The following CDK8 variants were observed in gnomAD, a reference collection of about 807,000 sequenced individuals.
CDK8 encodes the protein cyclin dependent kinase 8, also known as cyclin-dependent kinase 8.
Under a neutral mutation model 71.5 loss-of-function variants are expected in CDK8, and 29 were observed. The observed-to-expected ratio is 0.41, with a 90% CI of 0.30 to 0.55. The LOEUF (loss-of-function observed/expected upper bound fraction) is 0.55, where lower values mean the gene tolerates loss of function less well. Among genes scored for constraint, CDK8 ranks in the 20% least tolerant of loss-of-function variants. The pLI, the probability that CDK8 is intolerant of heterozygous loss-of-function variation, is 0.37. For synonymous variants in CDK8, 161 were observed against 192.1 expected (o/e 0.84, Z 1.34); for missense variants, 288 against 572.6 (o/e 0.50, Z 5.07).
chr13:26,337,062 AAC>A (rs17072235), intron 1 of CDK8, among the ~76,000 whole-genome samples: 50,751 of 151,940 alleles, frequency 0.33, 8,966 homozygotes, highest in East Asian at 0.54. Flanking sequence ...GTGTTCAGTA[AAC>A]ACATGTTGCG....
chr13:26,365,810 C>T (rs956105354), intron 4 of CDK8, among the ~76,000 whole-genome samples: 7 of 151,982 alleles, frequency 4.6e-5, no homozygotes, highest in Non-Finnish European at 8.8e-5. Context: ...TCTCTGCCTG[C>T]GTCTTATATA....
intron 4 of CDK8, among the ~76,000 whole-genome samples, chr13:26,376,084 T>C (rs1874931940): frequency 6.6e-6 from 1 of 152,214 alleles, no homozygotes; most frequent in African/African-American, 2.4e-5. Flanking sequence ...GAAGTAATAC[T>C]TGGGAAGATA....
intron 4 of CDK8, among the ~76,000 whole-genome samples, chr13:26,371,454 G>A (rs1874680158): frequency 6.6e-6 from 1 of 152,140 alleles, no homozygotes; most frequent in African/African-American, 2.4e-5. Context: ...GAAGTCTCCT[G>A]TGTCTCTTGG....
intron 5 of CDK8, among the ~76,000 whole-genome samples, chr13:26,384,558 G>A (rs1456914385): frequency 6.6e-6 from 1 of 152,160 alleles, no homozygotes; most frequent in Non-Finnish European, 1.5e-5. Context: ...ATGCCATGAT[G>A]AACTGTATCT....
chr13:26,314,942 G>A (rs906703293), intron 1 of CDK8, among the ~76,000 whole-genome samples: 14 of 151,920 alleles, frequency 9.2e-5, no homozygotes, highest in South Asian at 4.1e-4. Context: ...ATTTAATATT[G>A]CTAGCAAAGC....
chr13:26,398,748 C>T (rs1876109175), intron 9 of CDK8, among the ~76,000 whole-genome samples: 2 of 151,892 alleles, frequency 1.3e-5, no homozygotes, highest in East Asian at 2.0e-4. Flanking sequence ...CCGAGGCGGG[C>T]GGATCACAAG....
intron 1 of CDK8, among the ~76,000 whole-genome samples, chr13:26,301,502 A>G (rs1211368634): frequency 6.6e-6 from 1 of 152,192 alleles, no homozygotes; most frequent in African/African-American, 2.4e-5. Flanking sequence ...GTGAGACTTA[A>G]GAGTGGTATG....
chr13:26,337,748 T>C, intron 2 of CDK8, 106 bp downstream of exon 2: 1 of 436,054 alleles, frequency 2.3e-6, no homozygotes, highest in Non-Finnish European at 4.1e-6. Flanking sequence ...TTAGTGAATA[T>C]TTTTATATCA....
chr13:26,397,102 T>C (rs923965783), intron 8 of CDK8, 51 bp from the exon 9 acceptor site: 1 of 1,035,724 alleles, frequency 9.7e-7, no homozygotes, highest in Admixed American at 1.8e-5. Context: ...TTAGCCAATG[T>C]ACAATTAACC....
At chr13:26,329,654 C>G (rs556241331) in intron 1 of CDK8, among the ~76,000 whole-genome samples, 24 of 152,116 alleles carry the variant, frequency 1.6e-4, no homozygotes, top group East Asian at 5.8e-4. Context: ...AGGCACCCAC[C>G]ACCATGCCTG....
intron 5 of CDK8, 51 bp from the exon 6 acceptor site, chr13:26,385,160 G>C (rs755904374): frequency 6.8e-7 from 1 of 1,480,928 alleles, no homozygotes; most frequent in Non-Finnish European, 9.2e-7. Context: ...TAATTGGTTA[G>C]ATTTGTAAAA....
intron 5 of CDK8, among the ~76,000 whole-genome samples, chr13:26,383,367 A>G (rs530527430): frequency 5.3e-5 from 8 of 152,354 alleles, no homozygotes; most frequent in African/African-American, 1.7e-4. Context: ...GTCTCGTAGT[A>G]GGCCTTTCCC....
chr13:26,263,296 C>T (rs1488876078), intron 1 of CDK8, among the ~76,000 whole-genome samples: 4 of 151,530 alleles, frequency 2.6e-5, no homozygotes, highest in South Asian at 2.1e-4. Flanking sequence ...CCACCACACC[C>T]GGCTAGTTTT....
At position 26,392,226 on chromosome 13, in the gene CDK8, G is replaced by T. The variant is rs140823220; in HGVS notation, c.647-1141G>T. On this transcript the variant is annotated intron_variant, in intron 6 of 12. Coordinates refer to ENST00000381527, the MANE Select transcript of CDK8 (RefSeq NM_001260.3). ...GAGTACAAATTTAATTTGAATGAAA[G>T]TAAATCTGTATCTTGTGAATGAAAG... 5.3e-3 allele frequency among the ~76,000 whole-genome samples: 808 copies of T among 151,230 alleles called. 5 individuals are homozygous for T. Among genetic ancestry groups the T allele is most frequent in the African/African-American group, 0.018 (741 of 41,316 alleles).
chr13:26,306,696 T>A (rs1450997795), intron 1 of CDK8, among the ~76,000 whole-genome samples: 2 of 149,368 alleles, frequency 1.3e-5, no homozygotes, highest in Admixed American at 6.7e-5. Context: ...TGGCATTATC[T>A]CAGCTTACTG....
chr13:26,387,686 C>G (rs760144100), intron 6 of CDK8, among the ~76,000 whole-genome samples: 1 of 152,172 alleles, frequency 6.6e-6, no homozygotes, highest in Non-Finnish European at 1.5e-5. Context: ...TCCCACTCAA[C>G]AACAGCACTG....
rs1029102179 is a variant in CDK8 at position 26,337,560 on chromosome 13, T to C, written c.129-7T>C. ...ATCTATATATTAAAATAACTTTGTTTTTACAGGAAGGATGATAAAGACTAT... is the reference window on the plus strand; with the variant it reads ...ATCTATATATTAAAATAACTTTGTTCTTACAGGAAGGATGATAAAGACTAT... On this transcript the variant is annotated splice_polypyrimidine_tract_variant and splice_region_variant and intron_variant, in intron 1 of 12. Transcript: ENST00000381527. The C allele has an allele frequency of 3.7e-6, 5 of 1,336,912 alleles. No individual in the cohort carries two copies. The African/African-American group carries it at 7.5e-5, about 20-fold the overall frequency. 82.8% of individuals were successfully genotyped at this position (1,336,912 alleles called of 1,614,324 possible). A position where few individuals can be genotyped will look rare whatever the true frequency, so the allele number is the denominator to read the frequency against.
chr13:26,338,783 C>G (rs1273968197), intron 2 of CDK8, among the ~76,000 whole-genome samples: 1 of 152,046 alleles, frequency 6.6e-6, no homozygotes, highest in Non-Finnish European at 1.5e-5. Flanking sequence ...AGCCATTAAA[C>G]TATGGTCAGT....
chr13:26,363,897 A>G (rs1283261579), intron 4 of CDK8, among the ~76,000 whole-genome samples: 1 of 152,188 alleles, frequency 6.6e-6, no homozygotes, highest in Non-Finnish European at 1.5e-5. Context: ...TATTGATAGC[A>G]TGATGAATTA....
Sources: gnomAD v4.1 joint callset for allele counts (sites outside exome capture counted in the v4.1 genomes callset) on GRCh38, gnomAD v4.1.1 for gene constraint, MANE v1.5 for transcripts, NCBI Gene and HGNC (gene_info 2026-07-23, HGNC 2026-07-21) for gene names.